SUMF1: variants seen among roughly 807,000 people sequenced by gnomAD.
SUMF1 encodes the protein formylglycine-generating enzyme.
Under a neutral mutation model 47.6 loss-of-function variants are expected in SUMF1, and 48 were observed. The ratio of observed to expected loss-of-function variants is 1.01; its 90% CI spans 0.80 to 1.28. The LOEUF (loss-of-function observed/expected upper bound fraction) is 1.28, where lower values mean the gene tolerates loss of function less well. Among genes scored for constraint, SUMF1 ranks in the 50% most tolerant of loss-of-function variants. The pLI is 0.00. For synonymous variants in SUMF1, 230 were observed against 192.1 expected, an observed-to-expected ratio of 1.20 and a Z score of -1.63; for missense variants, 571 against 485.4, an observed-to-expected ratio of 1.18 and a Z score of -1.66.
chr3:4,355,253 G>C (rs1016438883), intron 8 of SUMF1, among the ~76,000 whole-genome samples: 8 of 152,152 alleles, frequency 5.3e-5, no homozygotes, highest in Non-Finnish European at 1.5e-5. Flanking sequence ...ATACTCAGAA[G>C]GCTGAGGTGG....
intron 8 of SUMF1, among the ~76,000 whole-genome samples, chr3:4,329,962 T>C (rs994756273): frequency 1.3e-5 from 2 of 152,192 alleles, no homozygotes; most frequent in Non-Finnish European, 2.9e-5. Context: ...CCCTAAATTA[T>C]CTCTCTCAAG....
chr3:4,453,090 C>G (rs775629612), intron 1 of SUMF1, 41 bp from the exon 2 acceptor site: 1 of 1,583,198 alleles, frequency 6.3e-7, no homozygotes, highest in Admixed American at 1.8e-5. Flanking sequence ...TGCATCACAG[C>G]CAAGGTGTAC....
chr3:4,110,758 C>A (rs1220278118), intron 8 of SUMF1, among the ~76,000 whole-genome samples: 1 of 148,970 alleles, frequency 6.7e-6, no homozygotes, highest in African/African-American at 2.5e-5. Flanking sequence ...AAACCAAACA[C>A]CGCATGTTCT....
chr3:4,461,767 A>G (rs1028414733), intron 1 of SUMF1, among the ~76,000 whole-genome samples: 2 of 152,218 alleles, frequency 1.3e-5, no homozygotes, highest in Admixed American at 6.5e-5. Context: ...CTAATGAAAT[A>G]AAGTTTTCTG....
At chr3:4,248,306 A>G (rs1252175089) in intron 8 of SUMF1, among the ~76,000 whole-genome samples, 1 of 152,220 alleles carries the variant, frequency 6.6e-6, no homozygotes, top group Non-Finnish European at 1.5e-5. Flanking sequence ...TGTTTTAACT[A>G]CAAGAACCAC....
chr3:4,200,448 A>G (rs1323848990), intron 8 of SUMF1, among the ~76,000 whole-genome samples: 1 of 152,038 alleles, frequency 6.6e-6, no homozygotes, highest in African/African-American at 2.4e-5. Flanking sequence ...TGGAGCTGGG[A>G]CACCCTTCTC....
At chr3:4,203,682 G>C (rs1451314357) in intron 8 of SUMF1, among the ~76,000 whole-genome samples, 1 of 151,052 alleles carries the variant, frequency 6.6e-6, no homozygotes, top group Non-Finnish European at 1.5e-5. Flanking sequence ...CTTTCTTCCT[G>C]TCTTCCTTTT....
At chr3:4,299,689 A>G (rs989493727) in intron 8 of SUMF1, among the ~76,000 whole-genome samples, 2 of 152,152 alleles carry the variant, frequency 1.3e-5, no homozygotes, top group Admixed American at 6.5e-5. Context: ...ACACACCTGT[A>G]ATCCCAGCTC....
intron 8 of SUMF1, among the ~76,000 whole-genome samples, chr3:4,212,479 A>C (rs1460366839): frequency 1.3e-5 from 2 of 152,136 alleles, no homozygotes; most frequent in Non-Finnish European, 2.9e-5. Flanking sequence ...AAAGTCTGAA[A>C]ATTCCAAAAA....
intron 7 of SUMF1, among the ~76,000 whole-genome samples, chr3:4,407,153 C>T (rs1417283899): frequency 6.6e-6 from 1 of 151,974 alleles, no homozygotes; most frequent in East Asian, 1.9e-4. Context: ...TGGCCAAATA[C>T]CTCATCTTCT....
chr3:4,312,949 A>C, intron 8 of SUMF1: 1 of 1,613,928 alleles, frequency 6.2e-7, no homozygotes, highest in Non-Finnish European at 8.5e-7. Context: ...TCCCACTCAA[A>C]TAACCTTTCC....
chr3:4,372,462 T>C (rs1215938055), intron 8 of SUMF1, among the ~76,000 whole-genome samples: 3 of 152,358 alleles, frequency 2.0e-5, no homozygotes, highest in African/African-American at 4.8e-5. Flanking sequence ...GCCATGAACA[T>C]TGCTTTTGCC....
At chr3:4,337,340 A>G (rs1226422052) in intron 8 of SUMF1, among the ~76,000 whole-genome samples, 1 of 151,318 alleles carries the variant, frequency 6.6e-6, no homozygotes, top group Non-Finnish European at 1.5e-5. Flanking sequence ...TCCCCTTGTC[A>G]TTCATCTTCC....
chr3:4,316,984 C>T (rs1575090997), intron 8 of SUMF1: 3 of 1,549,332 alleles, frequency 1.9e-6, no homozygotes, highest in Non-Finnish European at 2.6e-6. Flanking sequence ...GCACAACCCA[C>T]ACTTCAAAAG....
At chr3:4,165,431 G>C (rs1461830687) in intron 8 of SUMF1, among the ~76,000 whole-genome samples, 1 of 152,026 alleles carries the variant, frequency 6.6e-6, no homozygotes, top group Non-Finnish European at 1.5e-5. Context: ...TTTCCTTCTG[G>C]GTGGGGGAGA....
At chr3:4,136,795 T>A (rs1234706219) in intron 8 of SUMF1, among the ~76,000 whole-genome samples, 1 of 150,424 alleles carries the variant, frequency 6.6e-6, no homozygotes, top group Non-Finnish European at 1.5e-5. Context: ...AACAACCCCA[T>A]CAAAAAGTGG....
chr3:4,200,065 T>C (rs1023137912), intron 8 of SUMF1, among the ~76,000 whole-genome samples: 7 of 152,130 alleles, frequency 4.6e-5, no homozygotes, highest in African/African-American at 1.7e-4. Flanking sequence ...AGGTCACAAA[T>C]TTTTTCTCTC....
intron 8 of SUMF1, among the ~76,000 whole-genome samples, chr3:4,105,291 A>G (rs1422975340): frequency 2.0e-5 from 3 of 152,146 alleles, no homozygotes; most frequent in Non-Finnish European, 2.9e-5. Flanking sequence ...AACAAAAGGA[A>G]TAAGATTTTG....
intron 8 of SUMF1, among the ~76,000 whole-genome samples, chr3:4,211,586 T>A (rs1057261633): frequency 1.9e-4 from 29 of 152,078 alleles, no homozygotes; most frequent in African/African-American, 6.8e-4. Flanking sequence ...CACAGAAAAC[T>A]CCAATCATTT....
Sources: allele counts gnomAD v4.1 joint callset (sites outside exome capture counted in the v4.1 genomes callset), GRCh38; gene constraint gnomAD v4.1.1; transcripts MANE v1.5; gene names NCBI Gene and HGNC (gene_info 2026-07-23, HGNC 2026-07-21).